Variants in KCNS3 observed in about 807,000 individuals in gnomAD.
KCNS3 encodes the protein delayed-rectifier potassium channel regulatory subunit KCNS3.
Under a neutral mutation model 31.0 loss-of-function variants are expected in KCNS3, and 13 were observed. The observed-to-expected ratio is 0.42, with a 90% CI of 0.27 to 0.67. The LOEUF is 0.67. Among genes scored for constraint, KCNS3 ranks in the 30% least tolerant of loss-of-function variants. The pLI is 0.25. For synonymous variants in KCNS3, 238 were observed against 241.5 expected (o/e 0.99, Z 0.13); for missense variants, 545 against 622.4 (o/e 0.88, Z 1.32).
chr2:17,908,577 C>T (rs766141654), intron 1 of KCNS3, among the ~76,000 whole-genome samples: 5 of 152,116 alleles, frequency 3.3e-5, no homozygotes, highest in Non-Finnish European at 7.4e-5. Flanking sequence ...TGTTTTTTCC[C>T]CATCTTTGTG....
At position 17,905,141 on chromosome 2, in the gene KCNS3, A is replaced by G. The variant is rs538333922; in HGVS notation, c.-251-12539A>G. 3.7e-3 allele frequency among the ~76,000 whole-genome samples: 561 copies of G among 152,314 alleles called. 3 individuals carry two copies. Among genetic ancestry groups the G allele is most frequent in the African/African-American group, 0.013 (535 of 41,550 alleles). On this transcript the variant is annotated intron_variant, in intron 1 of 2. Transcript: ENST00000304101. ...TGTATCCTCTTTTATTTCATTGAGCAGTAGTTTGTAGTTCTCCTTGAAGAG... is the reference window on the plus strand; with the variant it reads ...TGTATCCTCTTTTATTTCATTGAGCGGTAGTTTGTAGTTCTCCTTGAAGAG...
rs1663029915 is a variant in KCNS3, at chr2:17,932,634, T to G, written c.*150T>G. 3 of 774,174 alleles carry G rather than the reference T, an allele frequency of 3.9e-6. No homozygotes were observed. The highest frequency in any genetic ancestry group is 2.0e-6 in the Non-Finnish European group (1 of 493,328). 48.0% of individuals were successfully genotyped at this position (774,174 alleles called of 1,614,324 possible). On this transcript the variant is annotated 3_prime_UTR_variant, in exon 3 of 3. Transcript: ENST00000304101. ...CATTCATTGCTGAATTCTGAAATGATAGAATTGTCTTTATTTTTCTCTGTG... is the reference window on the plus strand; with the variant it reads ...CATTCATTGCTGAATTCTGAAATGAGAGAATTGTCTTTATTTTTCTCTGTG...
chr2:17,920,115 A>C (rs2125250122), intron 2 of KCNS3, among the ~76,000 whole-genome samples: 1 of 152,326 alleles, frequency 6.6e-6, no homozygotes, highest in South Asian at 2.1e-4. Flanking sequence ...TTCCAAAAAG[A>C]AGGCAGTGTT....
chr2:17,902,334 CTGTGTGTGTGTGTGTGTGTG>C (rs61498649), intron 1 of KCNS3, among the ~76,000 whole-genome samples: 13 of 149,644 alleles, frequency 8.7e-5, no homozygotes, highest in Non-Finnish European at 1.3e-4. Flanking sequence ...GGTTGGGAGA[CTGTGTGTGTGTGTGTGTGTG>C]TGTGTGTGTG....
intron 1 of KCNS3, among the ~76,000 whole-genome samples, chr2:17,891,367 G>C (rs181193617): frequency 9.3e-4 from 142 of 152,268 alleles, no homozygotes; most frequent in African/African-American, 3.4e-3. Context: ...TTGCAGTTCT[G>C]TATCTTTTAA....
chr2:17,890,745 C>G (rs1661832755), intron 1 of KCNS3, among the ~76,000 whole-genome samples: 2 of 152,168 alleles, frequency 1.3e-5, no homozygotes, highest in South Asian at 2.1e-4. Flanking sequence ...TTGAAGTTTC[C>G]TTTTGGAGTT....
At chr2:17,904,557 T>G (rs1316133191) in intron 1 of KCNS3, among the ~76,000 whole-genome samples, 1 of 152,286 alleles carries the variant, frequency 6.6e-6, no homozygotes, top group Admixed American at 6.5e-5. Flanking sequence ...TGAATGGTAT[T>G]GCCTAGGTTT....
intron 2 of KCNS3, among the ~76,000 whole-genome samples, chr2:17,927,448 T>G (rs1030633932): frequency 1.3e-5 from 2 of 152,200 alleles, no homozygotes; most frequent in African/African-American, 4.8e-5. Flanking sequence ...TTTATAGTAT[T>G]AGTCAATTTC....
At chr2:17,889,954 A>G (rs1661806847) in intron 1 of KCNS3, among the ~76,000 whole-genome samples, 1 of 152,160 alleles carries the variant, frequency 6.6e-6, no homozygotes, top group Non-Finnish European at 1.5e-5. Flanking sequence ...TGAATTAGGG[A>G]GGATTCCTTC....
chr2:17,931,614 G>A lies in KCNS3; in HGVS notation c.606G>A (p.Met202Ile). The A allele has an allele frequency of 2.5e-6, 4 of 1,614,214 alleles. No individual in the cohort carries two copies. Among genetic ancestry groups the A allele is most frequent in the Non-Finnish European group, 3.4e-6 (4 of 1,180,040 alleles). Residue 202 changes from methionine to isoleucine, a missense_variant, in exon 3 of 3, where the codon ATG becomes ATA. Coordinates refer to ENST00000304101, the MANE Select transcript of KCNS3 (RefSeq NM_002252.5). The surrounding 1 kb of genome is among the most constrained non-coding windows in gnomAD (Gnocchi z 5.4). ...LSVVLASIVA[M>I]CVHSMSEFQN... Reference sequence around the variant, plus strand: ...TGGTGCTGGCCTCCATCGTGGCCATGTGCGTTCACAGCATGTCGGAGTTCC... The same window carrying A: ...TGGTGCTGGCCTCCATCGTGGCCATATGCGTTCACAGCATGTCGGAGTTCC...
At chr2:17,929,711 G>A (rs532031105) in intron 2 of KCNS3, among the ~76,000 whole-genome samples, 3 of 152,162 alleles carry the variant, frequency 2.0e-5, no homozygotes, top group South Asian at 4.1e-4. Context: ...CTGACCTCTC[G>A]CATAGCATGC....
At chr2:17,897,580 T>G (rs1351088897) in intron 1 of KCNS3, among the ~76,000 whole-genome samples, 2 of 152,354 alleles carry the variant, frequency 1.3e-5, no homozygotes, top group African/African-American at 4.8e-5. Context: ...ATATGTTTGT[T>G]GGCCACTTGT....
chr2:17,908,578 C>A (rs545350685), intron 1 of KCNS3, among the ~76,000 whole-genome samples: 44 of 152,260 alleles, frequency 2.9e-4, no homozygotes, highest in Admixed American at 7.2e-4. Flanking sequence ...GTTTTTTCCC[C>A]ATCTTTGTGG....
chr2:17,880,780 A>C (rs1406265835), intron 1 of KCNS3, among the ~76,000 whole-genome samples: 1 of 152,212 alleles, frequency 6.6e-6, no homozygotes. Context: ...ACTGAGTATC[A>C]TCATCTTCTT....
At chr2:17,928,897 C>T (rs1464057283) in intron 2 of KCNS3, among the ~76,000 whole-genome samples, 6 of 152,018 alleles carry the variant, frequency 3.9e-5, no homozygotes, top group African/African-American at 9.7e-5. Context: ...TTATAAACTT[C>T]TTCTGAGTTT....
chr2:17,917,129 TGA>T (rs1416222669), intron 1 of KCNS3, among the ~76,000 whole-genome samples: 2 of 152,314 alleles, frequency 1.3e-5, no homozygotes, highest in African/African-American at 4.8e-5. Flanking sequence ...ACATAAACTG[TGA>T]TTGCACCTGT....
intron 1 of KCNS3, among the ~76,000 whole-genome samples, chr2:17,907,598 T>C (rs985614218): frequency 6.6e-6 from 1 of 152,196 alleles, no homozygotes; most frequent in Non-Finnish European, 1.5e-5. Flanking sequence ...TGGCTGGTAC[T>C]GGTTGTTCCT....
intron 1 of KCNS3, among the ~76,000 whole-genome samples, chr2:17,904,565 T>C (rs924462285): frequency 6.6e-6 from 1 of 152,134 alleles, no homozygotes; most frequent in South Asian, 2.1e-4. Flanking sequence ...ATTGCCTAGG[T>C]TTTCCTCTAG....
rs747170594 is a variant in KCNS3, at chr2:17,887,062, C to T, written c.-252+8256C>T. On this transcript the variant is annotated intron_variant, in intron 1 of 2. Transcript: ENST00000304101. ...GCCTCTCTAGACTTAAAGCAGCACA[C>T]GTTGCTTTCTCATGTAATTTTTATT... Among the ~76,000 whole-genome samples, 5 of 152,016 alleles carry T rather than the reference C, an allele frequency of 3.3e-5. No homozygotes were observed. The South Asian group carries it at 1.0e-3, about 31-fold the overall frequency.
Sources: gnomAD v4.1 joint callset for allele counts (sites outside exome capture counted in the v4.1 genomes callset) on GRCh38, gnomAD v4.1.1 for gene constraint, Gnocchi (gnomAD v3.1) non-coding constraint, MANE v1.5 for transcripts, NCBI Gene and HGNC (gene_info 2026-07-23, HGNC 2026-07-21) for gene names.